The following EYS variants were observed in gnomAD, a reference collection of about 807,000 sequenced individuals.
EYS encodes EGF-like photoreceptor maintenance factor.
Under a neutral mutation model 282.1 loss-of-function variants are expected in EYS, and 250 were observed. The observed-to-expected ratio is 0.89, with a 90% CI of 0.80 to 0.98. The LOEUF is 0.98. Among genes scored for constraint, EYS ranks in the 50% least tolerant of loss-of-function variants. The probability of loss-of-function intolerance (pLI) is 0.00; values close to 1 mark genes in which losing one functional copy is unlikely to be tolerated. For missense variants in EYS, 4,016 were observed against 3,709.0 expected (o/e 1.08, Z -2.15); for synonymous variants, 1,355 against 1,282.9 (o/e 1.06, Z -1.20).
chr6:64,184,404 G>C (rs1249595296), intron 31 of EYS, among the ~76,000 whole-genome samples: 1 of 152,110 alleles, frequency 6.6e-6, no homozygotes, highest in Non-Finnish European at 1.5e-5. Flanking sequence ...CAAAAGTAAA[G>C]TAGGTATACC....
At chr6:64,747,106 T>A (rs1273998769) in intron 22 of EYS, among the ~76,000 whole-genome samples, 1 of 152,224 alleles carries the variant, frequency 6.6e-6, no homozygotes, top group Non-Finnish European at 1.5e-5. Flanking sequence ...AACATACTTT[T>A]AAGTTAGTTT....
intron 5 of EYS, chr6:65,490,222 C>A: frequency 6.4e-6 from 1 of 156,976 alleles, no homozygotes; most frequent in Non-Finnish European, 1.4e-5. Context: ...TAACAGAAAC[C>A]TCAACATGTG....
chr6:63,951,216 C>G (rs968361965), intron 35 of EYS, among the ~76,000 whole-genome samples: 1 of 152,156 alleles, frequency 6.6e-6, no homozygotes, highest in Non-Finnish European at 1.5e-5. Context: ...CAACTCACAC[C>G]TGACCTAAAA....
intron 2 of EYS, among the ~76,000 whole-genome samples, chr6:65,573,246 A>C (rs538824646): frequency 6.6e-6 from 1 of 152,256 alleles, no homozygotes; most frequent in African/African-American, 2.4e-5. Context: ...TTGAAGCAAA[A>C]ATGGAAAACA....
chr6:65,512,086 A>C (rs2882615), intron 2 of EYS, among the ~76,000 whole-genome samples: 150,559 of 151,980 alleles, frequency 0.99, 74,583 homozygotes, highest in East Asian at 1. Flanking sequence ...AACTCTAATA[A>C]GTTGATCACC....
rs1157742634 is a variant in EYS, at chr6:65,300,614, T to C, written c.1767-4495A>G. ...ATGGTTATGCTTGGCTCTCCACTTA[T>C]ATTGAAAAATAAATCACCAAAAAAT... On this transcript the variant is annotated intron_variant, in intron 11 of 42. Transcript: ENST00000503581. Among the ~76,000 whole-genome samples, 8 of 152,154 alleles carry C rather than the reference T, an allele frequency of 5.3e-5. No homozygotes were observed. In the South Asian group the frequency reaches 1.0e-3, roughly 20 times the overall value.
chr6:64,865,183 ATCTT>A (rs1403815166), intron 19 of EYS, among the ~76,000 whole-genome samples: 9 of 152,340 alleles, frequency 5.9e-5, no homozygotes, highest in African/African-American at 1.7e-4. Flanking sequence ...GAACAAAAAT[ATCTT>A]TCTACTTTCA....
At chr6:65,316,145 T>G (rs570137006) in intron 11 of EYS, among the ~76,000 whole-genome samples, 1 of 152,320 alleles carries the variant, frequency 6.6e-6, no homozygotes, top group African/African-American at 2.4e-5. Flanking sequence ...GATGCAAGTC[T>G]TTTGTTAGTT....
intron 33 of EYS, among the ~76,000 whole-genome samples, chr6:64,062,413 C>A (rs527773524): frequency 3.9e-5 from 6 of 152,204 alleles, no homozygotes; most frequent in Admixed American, 3.9e-4. Flanking sequence ...TGTTCTCAGC[C>A]AGGCTTGGTG....
intron 31 of EYS, among the ~76,000 whole-genome samples, chr6:64,214,777 T>C (rs1765880859): frequency 6.6e-6 from 1 of 152,060 alleles, no homozygotes; most frequent in Non-Finnish European, 1.5e-5. Flanking sequence ...TTCACATTTA[T>C]GTTATGGAAT....
At chr6:63,731,769 AG>A (rs1476998404) in intron 41 of EYS, among the ~76,000 whole-genome samples, 3 of 152,130 alleles carry the variant, frequency 2.0e-5, no homozygotes, top group African/African-American at 7.2e-5. Flanking sequence ...AAAAATTAAT[AG>A]TTTGTCCTCT....
Position 64,710,314 on chromosome 6 carries a change from T to A in EYS, c.3444-84069A>T, listed in dbSNP as rs146923828. 2.0e-5 allele frequency among the ~76,000 whole-genome samples: 3 copies of A among 152,354 alleles called. No individual in the cohort carries two copies. The East Asian group carries it at 5.8e-4, about 29-fold the overall frequency. ...ATGTTCATAGTAACCCTGTATCCACTCTTAAAATGTTACAACCCTTCCTCT... is the reference window on the plus strand; with the variant it reads ...ATGTTCATAGTAACCCTGTATCCACACTTAAAATGTTACAACCCTTCCTCT... On this transcript the variant is annotated intron_variant, in intron 22 of 42. Transcript: ENST00000503581.
At chr6:63,891,421 G>T (rs980146638) in intron 35 of EYS, among the ~76,000 whole-genome samples, 1 of 152,118 alleles carries the variant, frequency 6.6e-6, no homozygotes, top group Non-Finnish European at 1.5e-5. Flanking sequence ...GGGAGGCAAG[G>T]CTGGTTCAAC....
intron 2 of EYS, among the ~76,000 whole-genome samples, chr6:65,570,134 A>T (rs887461888): frequency 4.6e-5 from 7 of 152,054 alleles, no homozygotes; most frequent in African/African-American, 1.4e-4. Flanking sequence ...AAATAAAATA[A>T]AAAAAAGTTA....
At chr6:64,449,339 AGACATATGG>A (rs1168703722) in intron 26 of EYS, among the ~76,000 whole-genome samples, 2 of 152,308 alleles carry the variant, frequency 1.3e-5, no homozygotes, top group East Asian at 3.9e-4. Flanking sequence ...AAAGCCTCCA[AGACATATGG>A]GACTACGTGA....
At chr6:65,469,804 T>A (rs941820073) in intron 5 of EYS, among the ~76,000 whole-genome samples, 3 of 152,128 alleles carry the variant, frequency 2.0e-5, no homozygotes, top group Non-Finnish European at 4.4e-5. Context: ...TACATAGGCA[T>A]CTATTCTGCC....
chr6:64,577,140 C>A (rs1455780839), intron 26 of EYS, among the ~76,000 whole-genome samples: 2 of 152,064 alleles, frequency 1.3e-5, no homozygotes, highest in South Asian at 2.1e-4. Flanking sequence ...GGAAGCATGA[C>A]CCTGCTGATA....
intron 33 of EYS, among the ~76,000 whole-genome samples, chr6:64,058,533 A>G (rs547576142): frequency 2.0e-5 from 3 of 152,174 alleles, no homozygotes; most frequent in Non-Finnish European, 4.4e-5. Context: ...ATATAAATGT[A>G]TTGTTAAATC....
chr6:64,805,273 A>G (rs941829950), intron 22 of EYS, among the ~76,000 whole-genome samples: 16 of 152,036 alleles, frequency 1.1e-4, no homozygotes, highest in African/African-American at 3.9e-4. Flanking sequence ...ATGTATTTTT[A>G]AAATTGAACT....
Sources: gnomAD v4.1 joint callset for allele counts (sites outside exome capture counted in the v4.1 genomes callset) on GRCh38, gnomAD v4.1.1 for gene constraint, MANE v1.5 for transcripts, NCBI Gene and HGNC (gene_info 2026-07-23, HGNC 2026-07-21) for gene names.